Variants in PELI2 observed in about 807,000 individuals in gnomAD.
PELI2 encodes the protein E3 ubiquitin-protein ligase pellino homolog 2.
In PELI2, 23 loss-of-function variants were observed where a neutral mutation model predicts 42.3. That is an observed-to-expected ratio of 0.54 (90% CI 0.39 to 0.77). The LOEUF is 0.77. Ranked by LOEUF, PELI2 falls within the 30% of genes least tolerant of loss-of-function variation. The pLI is 0.00. For synonymous variants in PELI2, 245 were observed against 212.2 expected (o/e 1.15, Z -1.34); for missense variants, 463 against 553.2 (o/e 0.84, Z 1.64).
chr14:56,177,442 GTT>G (rs1373726924), intron 1 of PELI2, among the ~76,000 whole-genome samples: 1 of 152,160 alleles, frequency 6.6e-6, no homozygotes, highest in African/African-American at 2.4e-5. Context: ...CCTTGTTTTA[GTT>G]TTTTATTTTT....
intron 1 of PELI2, among the ~76,000 whole-genome samples, chr14:56,164,763 G>GT: frequency 6.6e-6 from 1 of 152,168 alleles, no homozygotes; most frequent in South Asian, 2.1e-4. Context: ...TTCAATCTTT[G>GT]TAAGTTGTGT....
At chr14:56,157,612 C>T (rs56328713) in intron 1 of PELI2, among the ~76,000 whole-genome samples, 3 of 152,264 alleles carry the variant, frequency 2.0e-5, no homozygotes, top group Non-Finnish European at 2.9e-5. Flanking sequence ...GAATTTGTTT[C>T]TGTACAATAG....
intron 2 of PELI2, among the ~76,000 whole-genome samples, chr14:56,204,674 C>T (rs926859356): frequency 6.6e-6 from 1 of 151,726 alleles, no homozygotes; most frequent in East Asian, 1.9e-4. Context: ...GAAATGACTC[C>T]CCTGGAAAGG....
chr14:56,278,580 A>G (rs1339198435), intron 2 of PELI2, among the ~76,000 whole-genome samples: 1 of 152,234 alleles, frequency 6.6e-6, no homozygotes, highest in Admixed American at 6.5e-5. Context: ...CAGCTCAATC[A>G]TGAAATTCCT....
At chr14:56,135,510 G>C (rs966557080) in intron 1 of PELI2, among the ~76,000 whole-genome samples, 5 of 152,226 alleles carry the variant, frequency 3.3e-5, no homozygotes, top group African/African-American at 1.2e-4. Context: ...TTGAGGGCAT[G>C]TTGGTGGTTG....
At chr14:56,266,972 G>C (rs982981268) in intron 2 of PELI2, among the ~76,000 whole-genome samples, 3 of 152,036 alleles carry the variant, frequency 2.0e-5, no homozygotes, top group African/African-American at 7.2e-5. Flanking sequence ...AACATTGTAT[G>C]CAGTATGCTA....
intron 2 of PELI2, among the ~76,000 whole-genome samples, chr14:56,238,709 T>C (rs1232504234): frequency 1.3e-5 from 2 of 152,226 alleles, no homozygotes; most frequent in Admixed American, 6.5e-5. Context: ...ATTACTAAGA[T>C]AGTTCGTGAA....
intron 2 of PELI2, among the ~76,000 whole-genome samples, chr14:56,222,056 C>CT (rs1232082107): frequency 7.0e-6 from 1 of 142,552 alleles, no homozygotes; most frequent in African/African-American, 2.5e-5. Context: ...GGCTGCTATT[C>CT]TTTTTTAGCT....
At chr14:56,141,465 G>A (rs1205733931) in intron 1 of PELI2, among the ~76,000 whole-genome samples, 1 of 152,200 alleles carries the variant, frequency 6.6e-6, no homozygotes, top group Non-Finnish European at 1.5e-5. Context: ...TTGCCTCACA[G>A]TTTTTAGGAG....
chr14:56,166,420 A>C (rs1423027296), intron 1 of PELI2, among the ~76,000 whole-genome samples: 1 of 152,142 alleles, frequency 6.6e-6, no homozygotes, highest in Non-Finnish European at 1.5e-5. Context: ...AGTTAGTGTT[A>C]ATAATATTCT....
intron 2 of PELI2, among the ~76,000 whole-genome samples, chr14:56,249,450 G>C (rs1888270792): frequency 6.6e-6 from 1 of 152,122 alleles, no homozygotes; most frequent in African/African-American, 2.4e-5. Flanking sequence ...AAATCCTGCA[G>C]CCTCAGCATC....
intron 2 of PELI2, among the ~76,000 whole-genome samples, chr14:56,278,887 T>C (rs929521951): frequency 5.9e-5 from 9 of 152,128 alleles, no homozygotes; most frequent in African/African-American, 2.2e-4. Flanking sequence ...TAGAACACAA[T>C]TGAAATAATT....
chr14:56,262,450 T>C (rs1888744594), intron 2 of PELI2, among the ~76,000 whole-genome samples: 2 of 152,222 alleles, frequency 1.3e-5, no homozygotes, highest in African/African-American at 4.8e-5. Context: ...ACCACAGATT[T>C]TTTTTCATAT....
intron 2 of PELI2, among the ~76,000 whole-genome samples, chr14:56,195,659 C>T (rs1886105078): frequency 6.6e-6 from 1 of 152,246 alleles, no homozygotes; most frequent in African/African-American, 2.4e-5. Flanking sequence ...TGCTGCCATT[C>T]TCTGTGTTCA....
At chr14:56,182,167 TC>T (rs1566624328) in intron 2 of PELI2, among the ~76,000 whole-genome samples, 1 of 152,128 alleles carries the variant, frequency 6.6e-6, no homozygotes, top group South Asian at 2.1e-4. Flanking sequence ...AGGAAGGACC[TC>T]TAAAAAAGTG....
At chr14:56,221,579 C>G (rs1234420984) in intron 2 of PELI2, among the ~76,000 whole-genome samples, 1 of 152,180 alleles carries the variant, frequency 6.6e-6, no homozygotes, top group Non-Finnish European at 1.5e-5. Context: ...CTAGACTTAT[C>G]ACGATGAGAG....
At chr14:56,216,722 T>C (rs1468495247) in intron 2 of PELI2, among the ~76,000 whole-genome samples, 1 of 152,240 alleles carries the variant, frequency 6.6e-6, no homozygotes, top group Non-Finnish European at 1.5e-5. Flanking sequence ...AAGGCTGTGT[T>C]CAGAGTTCCA....
rs1240890913 is a variant in PELI2 at position 56,140,512 on chromosome 14, A to G, written c.77+21775A>G. On this transcript the variant is annotated intron_variant, in intron 1 of 5. Coordinates refer to ENST00000267460, the MANE Select transcript of PELI2 (RefSeq NM_021255.3). ...TAAATTTAAGCAAACCTTTGAAAAC[A>G]ACTCCTGTTTTGAAAACAAGTTTTT... 2.0e-5 allele frequency among the ~76,000 whole-genome samples: 3 copies of G among 152,192 alleles called. No homozygotes were observed. The East Asian group carries it at 5.8e-4, about 29-fold the overall frequency.
In PELI2 at chr14:56,144,797, TG is replaced by T. The variant is rs1420115093; in HGVS notation, c.77+26063del. On this transcript the variant is annotated intron_variant, in intron 1 of 5. Coordinates refer to ENST00000267460, the MANE Select transcript of PELI2 (RefSeq NM_021255.3). ...TTATGCATTTTATTTATGATCTTGT[TG>T]GGCCTCTTGCCCTGTAACTCCAGCC... The T allele has an allele frequency of 3.1e-5, 5 of 159,368 alleles. No individual in the cohort carries two copies. The East Asian group carries it at 9.6e-4, about 31-fold the overall frequency. 9.9% of individuals were successfully genotyped at this position (159,368 alleles called of 1,614,324 possible).
Sources: gnomAD v4.1 joint callset for allele counts (sites outside exome capture counted in the v4.1 genomes callset) on GRCh38, gnomAD v4.1.1 for gene constraint, MANE v1.5 for transcripts, NCBI Gene and HGNC (gene_info 2026-07-23, HGNC 2026-07-21) for gene names.